The following ROBO2 variants were observed in gnomAD, a reference collection of about 807,000 sequenced individuals.
The protein encoded by ROBO2 is roundabout homolog 2.
Under a neutral mutation model 160.8 loss-of-function variants are expected in ROBO2, and 53 were observed. The observed-to-expected ratio is 0.33, with a 90% CI of 0.26 to 0.41. The LOEUF is 0.41. ROBO2 is among the 10% of genes least tolerant of loss of function. ROBO2 has a pLI of 1.00. For missense variants in ROBO2, 1,577 were observed against 1,722.4 expected, an observed-to-expected ratio of 0.92 and a Z score of 1.49; for synonymous variants, 664 against 611.7, an observed-to-expected ratio of 1.09 and a Z score of -1.26.
intron 2 of ROBO2, among the ~76,000 whole-genome samples, chr3:76,873,368 C>T (rs2072329672): frequency 6.6e-6 from 1 of 152,062 alleles, no homozygotes; most frequent in Non-Finnish European, 1.5e-5. Flanking sequence ...TAAGAACATC[C>T]AGCATTTGAG....
intron 2 of ROBO2, among the ~76,000 whole-genome samples, chr3:76,848,414 G>A (rs868622019): frequency 5.3e-5 from 8 of 152,066 alleles, no homozygotes; most frequent in Admixed American, 2.0e-4. Flanking sequence ...AGCTACCAGC[G>A]TGAAGTCTTT....
intron 2 of ROBO2, among the ~76,000 whole-genome samples, chr3:76,579,364 T>A (rs1185063939): frequency 6.6e-6 from 1 of 152,254 alleles, no homozygotes; most frequent in Non-Finnish European, 1.5e-5. Flanking sequence ...TTTACAGCTA[T>A]GTTTATTTAT....
At chr3:76,101,095 C>T (rs551334455) in intron 2 of ROBO2, among the ~76,000 whole-genome samples, 2 of 151,724 alleles carry the variant, frequency 1.3e-5, no homozygotes, top group East Asian at 1.9e-4. Context: ...GGCAAGAAAA[C>T]GTGTAACAGG....
intron 2 of ROBO2, among the ~76,000 whole-genome samples, chr3:76,882,009 A>C (rs551445297): frequency 7.4e-6 from 1 of 134,630 alleles, no homozygotes; most frequent in African/African-American, 2.9e-5. Flanking sequence ...GTTGGGTGGT[A>C]GTTTGGTTGT....
intron 2 of ROBO2, among the ~76,000 whole-genome samples, chr3:76,649,233 A>T (rs889327151): frequency 6.6e-6 from 1 of 152,158 alleles, no homozygotes; most frequent in African/African-American, 2.4e-5. Context: ...CTAGTTTTTT[A>T]AATTATTCTA....
intron 2 of ROBO2, among the ~76,000 whole-genome samples, chr3:76,945,192 G>A (rs2078454349): frequency 6.6e-6 from 1 of 152,122 alleles, no homozygotes; most frequent in Admixed American, 6.5e-5. Context: ...AGAGATGATA[G>A]AAATGGCAGA....
intron 2 of ROBO2, among the ~76,000 whole-genome samples, chr3:77,321,508 G>C (rs533261089): frequency 6.6e-6 from 1 of 152,138 alleles, no homozygotes; most frequent in South Asian, 2.1e-4. Flanking sequence ...GACAGAGAGA[G>C]AGACCCTGTC....
chr3:76,538,151 TCACA>T lies in ROBO2; in HGVS notation c.110-559833_110-559830del, dbSNP rs3223397. ...CTTTGGCTCAGAGGCCTGACAGAAC[TCACA>T]CACACACACACACACACACACACAC... On this transcript the variant is annotated intron_variant, in intron 2 of 26. Coordinates refer to the ROBO2 transcript ENST00000487694. 6.2e-3 allele frequency among the ~76,000 whole-genome samples: 904 copies of T among 146,190 alleles called. 2 individuals carry two copies. Among genetic ancestry groups the T allele is most frequent in the Non-Finnish European group, 8.9e-3 (592 of 66,314 alleles).
chr3:77,314,606 A>C (rs941700099), intron 2 of ROBO2, among the ~76,000 whole-genome samples: 1 of 152,214 alleles, frequency 6.6e-6, no homozygotes, highest in African/African-American at 2.4e-5. Context: ...TGTGTTTTGC[A>C]TGTCATTTTA....
chr3:76,680,275 G>T (rs1432448506), intron 2 of ROBO2, among the ~76,000 whole-genome samples: 1 of 150,312 alleles, frequency 6.7e-6, no homozygotes, highest in Non-Finnish European at 1.5e-5. Context: ...AGCACTGCCT[G>T]AATATTTTAG....
chr3:76,454,759 G>A (rs1054187362), intron 2 of ROBO2, among the ~76,000 whole-genome samples: 3 of 152,036 alleles, frequency 2.0e-5, no homozygotes, highest in Admixed American at 2.0e-4. Context: ...TTATCACTAT[G>A]ACAAGAGATG....
chr3:76,356,972 A>G (rs2075209368), intron 2 of ROBO2, among the ~76,000 whole-genome samples: 1 of 151,878 alleles, frequency 6.6e-6, no homozygotes, highest in African/African-American at 2.4e-5. Flanking sequence ...TTTTTAGTTT[A>G]AAATAGTATT....
At chr3:76,824,683 A>T (rs533451689) in intron 2 of ROBO2, among the ~76,000 whole-genome samples, 29 of 152,240 alleles carry the variant, frequency 1.9e-4, no homozygotes, top group African/African-American at 6.3e-4. Flanking sequence ...TGCTAACTAG[A>T]TTTTACACAC....
chr3:76,870,481 T>G (rs1448386564), intron 2 of ROBO2, among the ~76,000 whole-genome samples: 1 of 152,178 alleles, frequency 6.6e-6, no homozygotes, highest in Admixed American at 6.6e-5. Context: ...ATCTTCCAGT[T>G]TTGTAGTAAG....
intron 2 of ROBO2, among the ~76,000 whole-genome samples, chr3:76,748,903 T>A (rs892031785): frequency 6.6e-6 from 1 of 151,882 alleles, no homozygotes; most frequent in Non-Finnish European, 1.5e-5. Context: ...ACATCATGAT[T>A]TGTAATATTA....
chr3:76,271,629 A>G (rs1211625014), intron 2 of ROBO2, among the ~76,000 whole-genome samples: 2 of 151,686 alleles, frequency 1.3e-5, no homozygotes, highest in Non-Finnish European at 2.9e-5. Flanking sequence ...TCTTTGTAAT[A>G]TGTCCAGTAA....
intron 2 of ROBO2, among the ~76,000 whole-genome samples, chr3:76,708,082 A>G (rs926998152): frequency 4.5e-4 from 69 of 152,162 alleles, no homozygotes; most frequent in Admixed American, 4.2e-3. Context: ...GCAAAAGCAC[A>G]TAGCTCTAGG....
intron 2 of ROBO2, among the ~76,000 whole-genome samples, chr3:76,669,376 A>C (rs904768900): frequency 1.3e-5 from 2 of 152,164 alleles, no homozygotes; most frequent in African/African-American, 4.8e-5. Context: ...CTTAGCTTGT[A>C]AAATAGTCTC....
At chr3:76,217,482 T>A (rs919096946) in intron 2 of ROBO2, among the ~76,000 whole-genome samples, 1 of 151,992 alleles carries the variant, frequency 6.6e-6, no homozygotes, top group African/African-American at 2.4e-5. Context: ...AAAGGTGATA[T>A]CACCACCGAT....
Sources: gnomAD v4.1 joint callset for allele counts (sites outside exome capture counted in the v4.1 genomes callset) on GRCh38, gnomAD v4.1.1 for gene constraint, MANE v1.5 for transcripts, NCBI Gene and HGNC (gene_info 2026-07-23, HGNC 2026-07-21) for gene names.